The following UBAP2 variants were observed in gnomAD, a reference collection of about 807,000 sequenced individuals.
UBAP2 encodes the protein ubiquitin associated protein 2.
A neutral mutation model predicts 139.6 loss-of-function variants in UBAP2; 75 were observed. The observed-to-expected ratio is 0.54, with a 90% CI of 0.45 to 0.65. The LOEUF (loss-of-function observed/expected upper bound fraction) is 0.65. Ranked by LOEUF, UBAP2 falls within the 30% of genes least tolerant of loss-of-function variation. UBAP2 has a pLI of 0.00. For synonymous variants in UBAP2, 526 were observed against 526.2 expected (o/e 1.00, Z 0.01); for missense variants, 1,368 against 1,369.6 (o/e 1.00, Z 0.02).
At chr9:34,049,194 G>T (rs1827897659), upstream of UBAP2, among the ~76,000 whole-genome samples, 1 of 152,214 alleles carries the variant, frequency 6.6e-6, no homozygotes, top group Non-Finnish European at 1.5e-5. Context: ...GCGCCGTGAT[G>T]ACCTCACAAA....
intron 6 of UBAP2, among the ~76,000 whole-genome samples, chr9:33,975,275 T>G: frequency 6.7e-6 from 1 of 148,736 alleles, no homozygotes. Context: ...ATTAAAAAAA[T>G]GCAAAAATTA....
chr9:34,046,623 G>A (rs1246348534), intron 1 of UBAP2, among the ~76,000 whole-genome samples: 2 of 134,840 alleles, frequency 1.5e-5, no homozygotes, highest in African/African-American at 5.6e-5. Context: ...CAGCCTGGGC[G>A]ACAGAACAAG....
chr9:34,040,050 T>C (rs1003425409), intron 1 of UBAP2, among the ~76,000 whole-genome samples: 3 of 151,554 alleles, frequency 2.0e-5, no homozygotes, highest in Non-Finnish European at 4.4e-5. Flanking sequence ...TCCCAGCTAC[T>C]TGGGAGGCTG....
intron 7 of UBAP2, among the ~76,000 whole-genome samples, chr9:33,972,977 A>G (rs921451687): frequency 6.6e-6 from 1 of 152,224 alleles, no homozygotes; most frequent in Non-Finnish European, 1.5e-5. Flanking sequence ...CACAATCTCA[A>G]TAATGCCAAG....
At chr9:33,998,725 AT>A (rs1822413143) in intron 3 of UBAP2, 61 bp downstream of exon 3, 1 of 1,474,962 alleles carries the variant, frequency 6.8e-7, no homozygotes, top group Non-Finnish European at 9.3e-7. Flanking sequence ...TACTGAAATT[AT>A]CTTTTTAAGC....
intron 2 of UBAP2, among the ~76,000 whole-genome samples, chr9:34,007,005 ATT>A (rs1823278667): frequency 6.6e-6 from 1 of 152,184 alleles, no homozygotes; most frequent in Non-Finnish European, 1.5e-5. Context: ...ATAAAGGCTA[ATT>A]TTTGTTGTTG....
At chr9:34,036,568 T>C (rs551828326) in intron 1 of UBAP2, among the ~76,000 whole-genome samples, 15 of 152,282 alleles carry the variant, frequency 9.9e-5, no homozygotes, top group Middle Eastern at 3.4e-3. Context: ...ACATTTAAAC[T>C]GTGTGTGTCT....
intron 16 of UBAP2, among the ~76,000 whole-genome samples, chr9:33,937,517 GA>G (rs999590325): frequency 7.0e-6 from 1 of 141,978 alleles, no homozygotes; most frequent in African/African-American, 2.7e-5. Context: ...TGAGGAAAGA[GA>G]ATCATTTGAA....
intron 2 of UBAP2, among the ~76,000 whole-genome samples, chr9:34,013,680 C>A (rs1035005698): frequency 1.3e-5 from 2 of 151,958 alleles, no homozygotes; most frequent in African/African-American, 4.8e-5. Context: ...AGTTTGAAAC[C>A]AGCCTGGCCA....
chr9:34,004,608 C>T (rs541274174), intron 2 of UBAP2, among the ~76,000 whole-genome samples: 1 of 151,294 alleles, frequency 6.6e-6, no homozygotes, highest in East Asian at 2.0e-4. Context: ...CGGTGAAACC[C>T]CGTCTCTACT....
chr9:33,979,161 G>GT lies in UBAP2; in HGVS notation c.521-5925dup, dbSNP rs1325477541. Among the ~76,000 whole-genome samples the GT allele has an allele frequency of 2.6e-5, 4 of 152,094 alleles. No individual in the cohort carries two copies. In the South Asian group the frequency reaches 6.2e-4, roughly 24 times the overall value. On this transcript the variant is annotated intron_variant, in intron 6 of 28. Transcript: ENST00000379238. ...AAGGCAGCAGGAGTATTGCTTGAAC[G>GT]TAAGAGTTGGAGGTTGCAGTGAGCT...
rs749673351 is a variant in UBAP2, at chr9:33,989,140, C to A, written c.289-14G>T. The A allele has an allele frequency of 4.4e-6, 7 of 1,591,286 alleles. No homozygotes were observed. The highest frequency in any genetic ancestry group is 1.7e-4 in the Middle Eastern group (1 of 5,960). ...CTCCCATGAAGTCTATCAGAGAGAA[C>A]GGCTGTTAATCATTTATCATTCAAA... On this transcript the variant is annotated splice_polypyrimidine_tract_variant and intron_variant, in intron 4 of 28. Coordinates refer to ENST00000379238, the MANE Select transcript of UBAP2 (RefSeq NM_001370062.2).
chr9:34,017,208 G>T lies in UBAP2; in HGVS notation c.-41-19C>A. On this transcript the variant is annotated intron_variant, in intron 1 of 28. Coordinates refer to ENST00000379238, the MANE Select transcript of UBAP2 (RefSeq NM_001370062.2). Reference sequence around the variant, plus strand: ...AGAAAATCTGCAAGAAAGTAGGGATGGTAAGCAAAACAATCATAGTAAAAG... The same window carrying T: ...AGAAAATCTGCAAGAAAGTAGGGATTGTAAGCAAAACAATCATAGTAAAAG... The T allele has an allele frequency of 8.3e-7, 1 of 1,199,360 alleles. No individual in the cohort carries two copies. Among genetic ancestry groups the T allele is most frequent in the Non-Finnish European group, 1.2e-6 (1 of 862,610 alleles). The allele number at this position is 1,199,360 out of a possible 1,614,324, so 74.3% of individuals were successfully genotyped here.
At chr9:33,975,801 C>CAAA (rs556958048) in intron 6 of UBAP2, among the ~76,000 whole-genome samples, 10 of 72,334 alleles carry the variant, frequency 1.4e-4, no homozygotes, top group African/African-American at 4.8e-4. Context: ...GACTCCGTCT[C>CAAA]AAAAAAAAAA....
intron 9 of UBAP2, among the ~76,000 whole-genome samples, chr9:33,962,627 G>A (rs1294752674): frequency 2.7e-5 from 4 of 146,724 alleles, no homozygotes; most frequent in African/African-American, 1.0e-4. Flanking sequence ...CTGGGCAACA[G>A]AGCAAGACTC....
chr9:33,924,413 A>AG, intron 22 of UBAP2, 129 bp from the exon 23 acceptor site: 1 of 875,866 alleles, frequency 1.1e-6, no homozygotes, highest in South Asian at 1.5e-5. Context: ...CAGCAGTCCC[A>AG]GGGAACGCCA....
Position 34,013,460 on chromosome 9 carries a change from C to A in UBAP2, c.99+3590G>T, listed in dbSNP as rs560252443. Among the ~76,000 whole-genome samples the A allele has an allele frequency of 2.6e-5, 4 of 152,040 alleles. No individual in the cohort carries two copies. The East Asian group carries it at 7.7e-4, about 29-fold the overall frequency. On this transcript the variant is annotated intron_variant, in intron 2 of 28. Transcript: ENST00000379238. ...GAGCTGACATCGCACCATTGCACTC[C>A]AGCCTGGACAACAAGAGCAAAACTC...
At chr9:33,981,205 G>GATATATATATATATATATATTCTGGATAT (rs376947939) in intron 6 of UBAP2, among the ~76,000 whole-genome samples, 79 of 3,682 alleles carry the variant, frequency 0.021, 19 homozygotes, top group East Asian at 0.21. Flanking sequence ...ATATATTCTG[G>GATATATATATATATATATATTCTGGATAT]ATATATATAT....
In UBAP2 at chr9:33,941,803, G is replaced by A; in HGVS notation, c.1775C>T (p.Thr592Ile). The A allele has an allele frequency of 6.2e-7, 1 of 1,613,900 alleles. No homozygotes were observed. The highest frequency in any genetic ancestry group is 8.5e-7 in the Non-Finnish European group (1 of 1,179,942). Reference protein sequence around the residue: ...TSAVQNSTYTTSVITSCSLTS... With the variant: ...TSAVQNSTYTISVITSCSLTS... ...CAGACTGCAGGAGGTAATGACGGAAGTTGTATATGTGGAGTTCTGTACTGC... is the reference window on the plus strand; with the variant it reads ...CAGACTGCAGGAGGTAATGACGGAAATTGTATATGTGGAGTTCTGTACTGC... The change falls in exon 16 of 29, where the codon ACT (threonine) becomes ATT (isoleucine). Residue 592 changes from threonine (T) to isoleucine (I), a missense_variant. Thr to Ile is a moderately conservative substitution (Grantham distance 89, BLOSUM62 -1). Transcript: ENST00000379238.
Sources: gnomAD v4.1 joint callset for allele counts (sites outside exome capture counted in the v4.1 genomes callset) on GRCh38, gnomAD v4.1.1 for gene constraint, MANE v1.5 for transcripts, NCBI Gene and HGNC (gene_info 2026-07-23, HGNC 2026-07-21) for gene names.